The following STT3A variants were observed in gnomAD, a reference collection of about 807,000 sequenced individuals.
The protein encoded by STT3A is dolichyl-diphosphooligosaccharide--protein glycosyltransferase subunit STT3A.
In STT3A, 34 loss-of-function variants were observed where a neutral mutation model predicts 89.2. The observed-to-expected ratio is 0.38, with a 90% CI of 0.29 to 0.51. STT3A has a LOEUF of 0.51. STT3A is among the 20% of genes least tolerant of loss of function. The probability of loss-of-function intolerance (pLI) is 0.89; values close to 1 mark genes in which losing one functional copy is unlikely to be tolerated. For synonymous variants in STT3A, 282 were observed against 310.3 expected (o/e 0.91, Z 0.96); for missense variants, 555 against 889.5 (o/e 0.62, Z 4.78).
rs759096909 is a variant in STT3A at position 125,620,090 on chromosome 11, A to T, written c.2043A>T (p.Ala681=). The T allele has an allele frequency of 1.2e-6, 2 of 1,614,188 alleles. No homozygotes were observed. Among genetic ancestry groups the T allele is most frequent in the South Asian group, 2.2e-5 (2 of 91,080 alleles). Residue 681 remains alanine (A), a synonymous_variant, in exon 17 of 18, where the codon GCA becomes GCT. Coordinates refer to ENST00000392708, the MANE Select transcript of STT3A (RefSeq NM_152713.5). ...KDFELDVLEE[A]YTTEHWLVRI... is the part of the protein sequence containing the mutation. Reference sequence around the variant, plus strand: ...TTGAGCTTGATGTCCTGGAGGAAGCATATACCACAGAACATTGGCTGGTCA... The same window carrying T: ...TTGAGCTTGATGTCCTGGAGGAAGCTTATACCACAGAACATTGGCTGGTCA...
At chr11:125,619,874 T>TTTGCAGGCTCTACTCTCAACAAA in intron 16 of STT3A, 137 bp from the exon 17 acceptor site, 1 of 689,384 alleles carries the variant, frequency 1.5e-6, no homozygotes, top group Non-Finnish European at 2.4e-6. Context: ...CATGCCCTTT[T>TTTGCAGGCTCTACTCTCAACAAA]TTGCAGGCTC....
Position 125,618,519 on chromosome 11 carries a change from A to G in STT3A, c.1921A>G (p.Lys641Glu). ...SPVLLNCLMYKMCYYRFGQVY... is the reference protein window; with the variant it reads ...SPVLLNCLMYEMCYYRFGQVY... ...AGTGCTGCTCAACTGCCTCATGTAC[A>G]AGATGTGTTACTATCGCTTTGGACA... The change falls in exon 16 of 18, where the codon AAG becomes GAG. Residue 641 changes from lysine to glutamate, a missense_variant. By Grantham distance (56) the Lys-to-Glu change is moderately conservative. Transcript: ENST00000392708. 1 of 1,613,984 alleles carries G rather than the reference A, an allele frequency of 6.2e-7. No individual in the cohort carries two copies. The highest frequency in any genetic ancestry group is 8.5e-7 in the Non-Finnish European group (1 of 1,179,976).
rs1214037796 is a variant in STT3A at position 125,622,567 on chromosome 11, G to C, written c.*1757G>C. 1 of 152,136 alleles carries C rather than the reference G, an allele frequency of 6.6e-6. No individual in the cohort carries two copies. The highest frequency in any genetic ancestry group is 1.9e-4 in the East Asian group (1 of 5,196). The allele number at this position is 152,136 out of a possible 1,614,324, so 9.4% of individuals were successfully genotyped here. A position where few individuals can be genotyped will look rare whatever the true frequency, so the allele number is the denominator to read the frequency against. On this transcript the variant is annotated 3_prime_UTR_variant, in exon 18 of 18. Coordinates refer to ENST00000392708, the MANE Select transcript of STT3A (RefSeq NM_152713.5). ...AAAAAGTGTACTCTTCATTTTCACT[G>C]TTATTGTGTACTTAGCATAAAAAAC...
chr11:125,592,650 A>G (rs1444318397), upstream of STT3A: 1 of 369,910 alleles, frequency 2.7e-6, no homozygotes, highest in African/African-American at 2.1e-5. Context: ...CCGGCCTATG[A>G]CAGCTCGGCG....
At chr11:125,600,122 C>T (rs1233193905) in intron 3 of STT3A, among the ~76,000 whole-genome samples, 1 of 150,504 alleles carries the variant, frequency 6.6e-6, no homozygotes, top group African/African-American at 2.4e-5. Context: ...ACAATCTCAG[C>T]TCACCACAAC....
chr11:125,610,299 A>G (rs1939966889), intron 10 of STT3A, among the ~76,000 whole-genome samples: 1 of 152,126 alleles, frequency 6.6e-6, no homozygotes, highest in South Asian at 2.1e-4. Flanking sequence ...TCATGGGCTC[A>G]AGCAGTCTGC....
chr11:125,608,026 A>T, intron 8 of STT3A, 83 bp from the exon 9 acceptor site: 3 of 1,416,058 alleles, frequency 2.1e-6, no homozygotes, highest in Non-Finnish European at 2.8e-6. Context: ...TTTGGTTTGA[A>T]CTAGATAAGA....
Position 125,612,719 on chromosome 11 carries a change from A to T in STT3A, c.1337A>T (p.Gln446Leu). ...CCAGACAAGAAGAGCAAGAAGCAAC[A>T]GGATTCCACCTACCCTATTAAGAAT... ...SRPDKKSKKQ[Q>L]DSTYPIKNEV... is the part of the protein sequence containing the mutation. The change falls in exon 12 of 18, where the codon CAG (glutamine) becomes CTG (leucine). Residue 446 changes from glutamine to leucine, a missense_variant. Coordinates refer to ENST00000392708, the MANE Select transcript of STT3A (RefSeq NM_152713.5). 1 of 1,614,210 alleles carries T rather than the reference A, an allele frequency of 6.2e-7. No homozygotes were observed. Among genetic ancestry groups the T allele is most frequent in the Non-Finnish European group, 8.5e-7 (1 of 1,180,018 alleles).
chr11:125,613,908 A>T lies in STT3A; in HGVS notation c.1555-179A>T. The stretch of plus-strand genomic sequence containing the variant: ...ATTTGTGCTGAGATTTTATAATTGT[A>T]TATAAATGGAAGACCAGGTGCCAGG... On this transcript the variant is annotated intron_variant, in intron 13 of 17. Coordinates refer to ENST00000392708, the MANE Select transcript of STT3A (RefSeq NM_152713.5). This position sits in a 1 kb window ranked among gnomAD's most constrained non-coding sequence, Gnocchi z 4.2. The T allele has an allele frequency of 5.1e-6, 3 of 588,622 alleles. No individual in the cohort carries two copies. Among genetic ancestry groups the T allele is most frequent in the Non-Finnish European group, 9.2e-6 (3 of 326,676 alleles). The allele number at this position is 588,622 out of a possible 1,614,324, so 36.5% of individuals were successfully genotyped here. A position where few individuals can be genotyped will look rare whatever the true frequency, so the allele number is the denominator to read the frequency against.
intron 10 of STT3A, chr11:125,611,029 A>C (rs1174892502): frequency 6.5e-6 from 1 of 153,736 alleles, no homozygotes; most frequent in African/African-American, 2.4e-5. Flanking sequence ...CTTCATAAAG[A>C]ATCAAATTTC....
intron 15 of STT3A, among the ~76,000 whole-genome samples, chr11:125,618,043 C>A (rs865984686): frequency 5.3e-4 from 81 of 152,096 alleles, no homozygotes; most frequent in Non-Finnish European, 2.1e-4. Context: ...TTTGGACTAG[C>A]CACATTTCAG....
In STT3A at chr11:125,618,413, C is replaced by G; in HGVS notation, c.1815C>G (p.Ser605Arg). 1 of 1,612,830 alleles carries G rather than the reference C, an allele frequency of 6.2e-7. No homozygotes were observed. ...KFLWMVRIGG[S>R]TDTGKHIKEN... ...TTTGGATGGTCCGGATTGGAGGGAG[C>G]ACAGATACAGGCAAACATATCAAGG... is the stretch of plus-strand genomic sequence containing the variant. The change falls in exon 16 of 18, where the codon AGC becomes AGG. Residue 605 changes from serine (S) to arginine (R), a missense_variant. Transcript: ENST00000392708.
chr11:125,609,006 G>T (rs1939920186), intron 9 of STT3A, among the ~76,000 whole-genome samples: 1 of 152,050 alleles, frequency 6.6e-6, no homozygotes, highest in Non-Finnish European at 1.5e-5. Context: ...CTGTTTAGTT[G>T]GTTGGAAAGC....
Position 125,592,855 on chromosome 11 carries a change from G to T in STT3A, c.-99G>T, listed in dbSNP as rs553379619. On this transcript the variant is annotated 5_prime_UTR_variant, in exon 1 of 18. Coordinates refer to ENST00000392708, the MANE Select transcript of STT3A (RefSeq NM_152713.5). ...GGAGGCGGACCCGGCTCCTGCCAGGGTTGGGTGCGCCGCTGAACGGATGGC... is the reference window on the plus strand; with the variant it reads ...GGAGGCGGACCCGGCTCCTGCCAGGTTTGGGTGCGCCGCTGAACGGATGGC... The T allele has an allele frequency of 1.1e-5, 2 of 186,674 alleles. No individual in the cohort carries two copies. Among genetic ancestry groups the T allele is most frequent in the African/African-American group, 4.7e-5 (2 of 42,196 alleles). The allele number at this position is 186,674 out of a possible 1,614,324, so 11.6% of individuals were successfully genotyped here.
intron 6 of STT3A, 127 bp from the exon 7 acceptor site, chr11:125,605,502 G>A: frequency 3.4e-6 from 2 of 593,668 alleles, no homozygotes; most frequent in Non-Finnish European, 5.9e-6. Context: ...ACAAAAGGAA[G>A]TAAATAATTT....
chr11:125,608,524 C>G (rs1939905415), intron 9 of STT3A: 1 of 354,764 alleles, frequency 2.8e-6, no homozygotes, highest in South Asian at 3.7e-5. Context: ...CGGGGTTTCT[C>G]CATGTTTGTC....
chr11:125,618,797 C>T (rs760006622), intron 16 of STT3A, among the ~76,000 whole-genome samples: 11 of 151,648 alleles, frequency 7.3e-5, no homozygotes, highest in Non-Finnish European at 1.5e-4. Flanking sequence ...TGCAGTGGTA[C>T]AATCATGGCT....
Position 125,613,996 on chromosome 11 carries a change from C to G in STT3A, c.1555-91C>G. ...AAATTGATTAGTTAGCCAGGTGTCA[C>G]TTCTGTCAGACCAAAGATGCCTTCT... On this transcript the variant is annotated intron_variant, in intron 13 of 17. Transcript: ENST00000392708. This position sits in a 1 kb window ranked among gnomAD's most constrained non-coding sequence, Gnocchi z 4.2. 3 of 1,145,700 alleles carry G rather than the reference C, an allele frequency of 2.6e-6. No homozygotes were observed. The highest frequency in any genetic ancestry group is 1.9e-5 in the Admixed American group (1 of 53,944). The allele number at this position is 1,145,700 out of a possible 1,614,324, so 71.0% of individuals were successfully genotyped here.
chr11:125,595,746 C>T (rs1939472720), intron 1 of STT3A, 135 bp from the exon 2 acceptor site: 2 of 583,676 alleles, frequency 3.4e-6, no homozygotes, highest in Non-Finnish European at 6.1e-6. Flanking sequence ...GGCTTGGATA[C>T]TAGTATTAGC....
Sources: allele counts gnomAD v4.1 joint callset (sites outside exome capture counted in the v4.1 genomes callset), GRCh38; gene constraint gnomAD v4.1.1; non-coding constraint Gnocchi (gnomAD v3.1); transcripts MANE v1.5; gene names NCBI Gene and HGNC (gene_info 2026-07-23, HGNC 2026-07-21).